CDH12: variants seen among roughly 807,000 people sequenced by gnomAD.
CDH12 encodes the protein cadherin 12.
CDH12 carries 41 observed loss-of-function variants against 74.1 expected under a neutral mutation model. The observed-to-expected ratio is 0.55, with a 90% CI of 0.43 to 0.72. The LOEUF is 0.72. Among genes scored for constraint, CDH12 ranks in the 30% least tolerant of loss-of-function variants. The pLI, the probability that CDH12 is intolerant of heterozygous loss-of-function variation, is 0.00. For missense variants in CDH12, 945 were observed against 977.2 expected, an observed-to-expected ratio of 0.97 and a Z score of 0.44; for synonymous variants, 399 against 355.0, an observed-to-expected ratio of 1.12 and a Z score of -1.39.
intron 3 of CDH12, among the ~76,000 whole-genome samples, chr5:22,341,039 A>G (rs543029308): frequency 2.0e-5 from 3 of 152,336 alleles, no homozygotes; most frequent in South Asian, 4.1e-4. Context: ...ATCTGAAAAT[A>G]TTCTAGTAAT....
chr5:22,562,418 G>C (rs1351008531), intron 1 of CDH12, among the ~76,000 whole-genome samples: 1 of 152,074 alleles, frequency 6.6e-6, no homozygotes, highest in Non-Finnish European at 1.5e-5. Flanking sequence ...AAATGAAATT[G>C]GCGTGGGCAA....
chr5:21,943,366 A>C (rs1755424904), intron 6 of CDH12, among the ~76,000 whole-genome samples: 1 of 152,236 alleles, frequency 6.6e-6, no homozygotes, highest in Non-Finnish European at 1.5e-5. Context: ...ATTTATTCTC[A>C]AAATTTTATG....
At chr5:22,457,151 C>T (rs914164389) in intron 2 of CDH12, among the ~76,000 whole-genome samples, 4 of 152,078 alleles carry the variant, frequency 2.6e-5, no homozygotes, top group African/African-American at 7.2e-5. Flanking sequence ...CAAACAAGTG[C>T]CCCAATAATT....
At position 22,685,330 on chromosome 5, in the gene CDH12, TGG is replaced by T. The variant is rs1448992927; in HGVS notation, c.-523+167726_-523+167727del. On this transcript the variant is annotated intron_variant, in intron 1 of 14. Coordinates refer to ENST00000382254, the MANE Select transcript of CDH12 (RefSeq NM_004061.5). ...TTGGCTCATTGCAGCCTCCACCTCC[TGG>T]GTTCAAGTGATTGTCTTGTCTCAGC... Among the ~76,000 whole-genome samples the T allele has an allele frequency of 2.0e-5, 3 of 152,242 alleles. No homozygotes were observed. The East Asian group carries it at 5.8e-4, about 30-fold the overall frequency.
intron 5 of CDH12, among the ~76,000 whole-genome samples, chr5:22,072,526 A>G (rs1279938878): frequency 7.6e-6 from 1 of 132,442 alleles, no homozygotes; most frequent in African/African-American, 3.0e-5. Flanking sequence ...CTATTATAGC[A>G]CTTTTGTGTG....
At chr5:21,789,165 GTATTA>G (rs1460794271) in intron 10 of CDH12, among the ~76,000 whole-genome samples, 2 of 152,046 alleles carry the variant, frequency 1.3e-5, no homozygotes, top group East Asian at 1.9e-4. Flanking sequence ...ATAATTGTAT[GTATTA>G]TATATGTTAC....
intron 1 of CDH12, among the ~76,000 whole-genome samples, chr5:22,824,047 T>C (rs980028857): frequency 6.6e-6 from 1 of 152,060 alleles, no homozygotes; most frequent in Admixed American, 6.6e-5. Flanking sequence ...AAAGAGATAA[T>C]AACTCCAAGA....
intron 2 of CDH12, among the ~76,000 whole-genome samples, chr5:22,406,849 C>A (rs936023602): frequency 6.6e-6 from 1 of 151,914 alleles, no homozygotes; most frequent in Non-Finnish European, 1.5e-5. Context: ...TGAAAGAATC[C>A]AAACTTGTAA....
intron 3 of CDH12, among the ~76,000 whole-genome samples, chr5:22,352,129 T>G (rs1740380552): frequency 6.6e-6 from 1 of 151,800 alleles, no homozygotes; most frequent in South Asian, 2.1e-4. Flanking sequence ...TAGACTTGTT[T>G]TTTTTTTTTT....
At chr5:22,724,357 G>T (rs1744054847) in intron 1 of CDH12, among the ~76,000 whole-genome samples, 1 of 151,802 alleles carries the variant, frequency 6.6e-6, no homozygotes, top group African/African-American at 2.4e-5. Context: ...ACTGTATGCA[G>T]TATGTAGTCA....
At chr5:22,551,632 T>C (rs1389968096) in intron 1 of CDH12, among the ~76,000 whole-genome samples, 1 of 152,248 alleles carries the variant, frequency 6.6e-6, no homozygotes, top group Admixed American at 6.5e-5. Flanking sequence ...TCAGTGTTCA[T>C]GTTTATCATA....
At chr5:22,810,935 A>T (rs1749107041) in intron 1 of CDH12, among the ~76,000 whole-genome samples, 7 of 142,822 alleles carry the variant, frequency 4.9e-5, no homozygotes, top group Admixed American at 4.8e-4. Flanking sequence ...GTGTGTATAC[A>T]CATATATACT....
intron 1 of CDH12, among the ~76,000 whole-genome samples, chr5:22,514,713 G>A (rs1580723646): frequency 1.3e-5 from 2 of 152,160 alleles, no homozygotes; most frequent in East Asian, 3.9e-4. Flanking sequence ...TGGATTGGGT[G>A]TGCAGTGCCT....
intron 3 of CDH12, among the ~76,000 whole-genome samples, chr5:22,229,719 A>G (rs945914470): frequency 2.0e-5 from 3 of 152,084 alleles, no homozygotes; most frequent in African/African-American, 4.8e-5. Context: ...TTTCATGCCC[A>G]CATCTCAAAT....
chr5:21,783,416 T>C lies in CDH12; in HGVS notation c.1335A>G (p.Glu445=). The C allele has an allele frequency of 6.2e-7, 1 of 1,611,742 alleles. No individual in the cohort carries two copies. The change falls in exon 11 of 15, where the codon GAA becomes GAG. Residue 445 remains glutamate (E), a synonymous_variant. Transcript: ENST00000382254. ...GCGCAGTGCTTTCTCTGTCTAGTAA[T>C]TCATTAGTGGCGATGGTTCCTTCAT... The part of the protein sequence containing the change: ...DGNEGTIATN[E]LLDRESTAQY...
At chr5:22,641,582 CCAT>C (rs1394249898) in intron 1 of CDH12, among the ~76,000 whole-genome samples, 1 of 152,048 alleles carries the variant, frequency 6.6e-6, no homozygotes, top group Admixed American at 6.5e-5. Flanking sequence ...CTAAAACTGA[CCAT>C]CATACCTGCT....
chr5:22,435,080 G>T (rs1284524464), intron 2 of CDH12, among the ~76,000 whole-genome samples: 2 of 152,138 alleles, frequency 1.3e-5, no homozygotes, highest in Non-Finnish European at 1.5e-5. Flanking sequence ...GTCTGTGAGG[G>T]TGTTGCCAAA....
intron 1 of CDH12, among the ~76,000 whole-genome samples, chr5:22,661,542 C>A (rs1170100479): frequency 1.3e-5 from 2 of 151,874 alleles, no homozygotes; most frequent in African/African-American, 2.4e-5. Flanking sequence ...AGCTTTTTAA[C>A]CTTAAAATTT....
In CDH12 at chr5:22,588,215, A is replaced by G. The variant is rs148662586; in HGVS notation, c.-522-82851T>C. 2.5e-3 allele frequency among the ~76,000 whole-genome samples: 377 copies of G among 152,162 alleles called. 3 individuals carry two copies. The highest frequency in any genetic ancestry group is 8.6e-3 in the African/African-American group (359 of 41,548). ...ACTAATGTGTAGAAATGGAATAGAC[A>G]GGAAATTGTAATACTTAAAACACAA... On this transcript the variant is annotated intron_variant, in intron 1 of 14. Transcript: ENST00000382254.
Sources: allele counts gnomAD v4.1 joint callset (sites outside exome capture counted in the v4.1 genomes callset), GRCh38; gene constraint gnomAD v4.1.1; transcripts MANE v1.5; gene names NCBI Gene and HGNC (gene_info 2026-07-23, HGNC 2026-07-21).